The following CDC5L variants were observed in gnomAD, a reference collection of about 807,000 sequenced individuals.
CDC5L encodes the protein cell division cycle 5 like, also known as cell division cycle 5-like protein.
A neutral mutation model predicts 104.1 loss-of-function variants in CDC5L; 18 were observed. The ratio of observed to expected loss-of-function variants is 0.17; its 90% CI spans 0.12 to 0.26. The LOEUF is 0.26. CDC5L is among the 10% of genes least tolerant of loss of function. The probability of loss-of-function intolerance (pLI) is 1.00; values close to 1 mark genes in which losing one functional copy is unlikely to be tolerated. For synonymous variants in CDC5L, 331 were observed against 322.7 expected, an observed-to-expected ratio of 1.03 and a Z score of -0.28; for missense variants, 673 against 956.9, an observed-to-expected ratio of 0.70 and a Z score of 3.91.
At chr6:44,397,007 ACT>A (rs1354787399) in intron 5 of CDC5L, among the ~76,000 whole-genome samples, 13 of 151,744 alleles carry the variant, frequency 8.6e-5, no homozygotes, top group South Asian at 2.1e-4. Flanking sequence ...AGTTCTCCAG[ACT>A]CTGTCCTTTT....
intron 3 of CDC5L, 22 bp downstream of exon 3, chr6:44,392,850 G>A (rs1790680250): frequency 1.2e-6 from 2 of 1,603,358 alleles, no homozygotes; most frequent in South Asian, 1.1e-5. Flanking sequence ...TTCAGAAAGA[G>A]CATAGAATAT....
intron 14 of CDC5L, among the ~76,000 whole-genome samples, chr6:44,434,907 T>C (rs377688309): frequency 1.2e-4 from 19 of 152,248 alleles, no homozygotes; most frequent in South Asian, 4.1e-4. Flanking sequence ...CTCTGGCCAG[T>C]CTTTTTTAGA....
intron 8 of CDC5L, 70 bp downstream of exon 8, chr6:44,408,702 C>G (rs934944592): frequency 8.5e-7 from 1 of 1,174,776 alleles, no homozygotes; most frequent in Admixed American, 2.6e-5. Context: ...TGCAGGAGAA[C>G]TAAGCGGTTT....
chr6:44,410,013 T>G (rs1019723821), intron 8 of CDC5L, among the ~76,000 whole-genome samples: 1 of 152,138 alleles, frequency 6.6e-6, no homozygotes, highest in Non-Finnish European at 1.5e-5. Flanking sequence ...TATGTATACC[T>G]TATGGAATGG....
intron 5 of CDC5L, among the ~76,000 whole-genome samples, chr6:44,400,081 CTCTT>C (rs556222596): frequency 2.0e-5 from 3 of 151,912 alleles, no homozygotes; most frequent in Non-Finnish European, 2.9e-5. Flanking sequence ...GCATTTCTGT[CTCTT>C]TACTGATATT....
intron 8 of CDC5L, among the ~76,000 whole-genome samples, chr6:44,418,585 A>G (rs1258390566): frequency 8.5e-5 from 13 of 152,148 alleles, no homozygotes; most frequent in Non-Finnish European, 1.6e-4. Context: ...GACTTCCACA[A>G]TGGTTGAACT....
At chr6:44,431,898 A>G (rs1448125449) in intron 14 of CDC5L, among the ~76,000 whole-genome samples, 16 of 152,188 alleles carry the variant, frequency 1.1e-4, no homozygotes, top group Admixed American at 1.0e-3. Flanking sequence ...TTTTTGTTGA[A>G]GGATTGGTGA....
chr6:44,417,608 C>T (rs1888670), intron 8 of CDC5L, among the ~76,000 whole-genome samples: 3,687 of 152,132 alleles, frequency 0.024, 152 homozygotes, highest in African/African-American at 0.083. Context: ...TTGCCACAGG[C>T]CCTAAGTTGG....
At chr6:44,398,409 C>T (rs1790969401) in intron 5 of CDC5L, among the ~76,000 whole-genome samples, 1 of 152,188 alleles carries the variant, frequency 6.6e-6, no homozygotes, top group African/African-American at 2.4e-5. Flanking sequence ...GTGTGGCTAG[C>T]ATTGATTGCT....
In CDC5L at chr6:44,449,431, G is replaced by A. The variant is rs1793569233; in HGVS notation, c.*2720G>A. The A allele has an allele frequency of 6.6e-6, 1 of 152,170 alleles. No homozygotes were observed. Among genetic ancestry groups the A allele is most frequent in the Non-Finnish European group, 1.5e-5 (1 of 68,024 alleles). 9.4% of individuals were successfully genotyped at this position (152,170 alleles called of 1,614,324 possible). A position where few individuals can be genotyped will look rare whatever the true frequency, so the allele number is the denominator to read the frequency against. ...GCACTTTGGGAGGCCAAGGTGGGAG[G>A]ATCATTTGAGCTCAGGAGTTCAAGA... On this transcript the variant is annotated 3_prime_UTR_variant, in exon 16 of 16. Transcript: ENST00000371477.
intron 4 of CDC5L, among the ~76,000 whole-genome samples, chr6:44,394,615 G>T (rs1260377834): frequency 1.3e-5 from 2 of 151,928 alleles, no homozygotes; most frequent in Non-Finnish European, 2.9e-5. Context: ...CAGCACGTTG[G>T]GAGGCTGAGG....
At chr6:44,406,292 A>G (rs1335911110) in intron 6 of CDC5L, 31 bp from the exon 7 acceptor site, 2 of 1,539,006 alleles carry the variant, frequency 1.3e-6, no homozygotes, top group Admixed American at 4.0e-5. Context: ...ATGTAACTTA[A>G]AAATCTCTTT....
chr6:44,431,924 A>G (rs916371881), intron 14 of CDC5L, among the ~76,000 whole-genome samples: 5 of 152,222 alleles, frequency 3.3e-5, no homozygotes, highest in Non-Finnish European at 5.9e-5. Flanking sequence ...GAGAATATTC[A>G]TAAAGCAGTC....
chr6:44,387,962 T>G, intron 1 of CDC5L, 94 bp downstream of exon 1: 1 of 1,221,424 alleles, frequency 8.2e-7, no homozygotes, highest in Non-Finnish European at 1.2e-6. Context: ...GAGGAGACCC[T>G]GTGGGGTCTG....
rs1404790360 is a variant in CDC5L at position 44,420,838 on chromosome 6, C to CT, written c.1241+1243dup. ...TCCCACATTTCAGATAAGGGATACTCTTATCTATACCGGCAATGAAAACAA... is the reference window on the plus strand; with the variant it reads ...TCCCACATTTCAGATAAGGGATACTCTTTATCTATACCGGCAATGAAAACAA... On this transcript the variant is annotated intron_variant, in intron 9 of 15. Transcript: ENST00000371477. Among the ~76,000 whole-genome samples, 3 of 152,312 alleles carry CT rather than the reference C, an allele frequency of 2.0e-5. No homozygotes were observed. In the East Asian group the frequency reaches 5.8e-4, roughly 29 times the overall value.
intron 5 of CDC5L, among the ~76,000 whole-genome samples, chr6:44,399,304 T>C (rs1407929691): frequency 2.0e-5 from 3 of 152,232 alleles, no homozygotes; most frequent in African/African-American, 2.4e-5. Flanking sequence ...ATTTTTAATA[T>C]GATGTGTCTG....
chr6:44,439,940 A>G (rs970729280), intron 14 of CDC5L, among the ~76,000 whole-genome samples: 1 of 152,198 alleles, frequency 6.6e-6, no homozygotes, highest in Non-Finnish European at 1.5e-5. Context: ...ACCCCGCTGT[A>G]CTGTACTGCC....
intron 14 of CDC5L, among the ~76,000 whole-genome samples, chr6:44,436,893 A>G (rs1445526363): frequency 6.6e-6 from 1 of 152,228 alleles, no homozygotes; most frequent in Non-Finnish European, 1.5e-5. Context: ...CTTTAATTGT[A>G]TCAAGTGTCG....
At chr6:44,417,354 C>T (rs1369149396) in intron 8 of CDC5L, among the ~76,000 whole-genome samples, 2 of 152,074 alleles carry the variant, frequency 1.3e-5, no homozygotes, top group South Asian at 2.1e-4. Context: ...GAACTTCTCA[C>T]GTGGTATCTC....
Sources: gnomAD v4.1 joint callset for allele counts (sites outside exome capture counted in the v4.1 genomes callset) on GRCh38, gnomAD v4.1.1 for gene constraint, MANE v1.5 for transcripts, NCBI Gene and HGNC (gene_info 2026-07-23, HGNC 2026-07-21) for gene names.